UPK1B: variants seen among roughly 807,000 people sequenced by gnomAD.
The protein encoded by UPK1B is uroplakin-1b.
A neutral mutation model predicts 34.2 loss-of-function variants in UPK1B; 28 were observed. The ratio of observed to expected loss-of-function variants is 0.82; its 90% CI spans 0.61 to 1.12. UPK1B has a LOEUF of 1.12. Among genes scored for constraint, UPK1B ranks in the 50% most tolerant of loss-of-function variants. The probability of loss-of-function intolerance (pLI) is 0.00; values close to 1 mark genes in which losing one functional copy is unlikely to be tolerated. For missense variants in UPK1B, 325 were observed against 320.9 expected, an observed-to-expected ratio of 1.01 and a Z score of -0.10; for synonymous variants, 81 against 110.4, an observed-to-expected ratio of 0.73 and a Z score of 1.67.
chr3:119,201,252 C>T (rs549369983), intron 7 of UPK1B, among the ~76,000 whole-genome samples: 45 of 152,276 alleles, frequency 3.0e-4, no homozygotes, highest in Admixed American at 1.4e-3. Context: ...TCTGAACTGT[C>T]CCTCAGGTGT....
chr3:119,188,039 C>A, intron 3 of UPK1B, 64 bp downstream of exon 3: 1 of 1,548,580 alleles, frequency 6.5e-7, no homozygotes, highest in Non-Finnish European at 8.9e-7. Context: ...CTTTCTTCTT[C>A]ACTGAGCAAT....
At chr3:119,201,903 T>C (rs565136178) in intron 7 of UPK1B, among the ~76,000 whole-genome samples, 7 of 152,308 alleles carry the variant, frequency 4.6e-5, no homozygotes, top group African/African-American at 1.7e-4. Flanking sequence ...GAATGAAAGG[T>C]AACAGTGAAG....
intron 1 of UPK1B, among the ~76,000 whole-genome samples, chr3:119,179,301 G>C (rs1309832365): frequency 1.4e-5 from 2 of 142,612 alleles, no homozygotes; most frequent in Non-Finnish European, 3.1e-5. Context: ...CACTCCCTGG[G>C]TGACACACAA....
chr3:119,199,398 G>A (rs1429865426), intron 7 of UPK1B, among the ~76,000 whole-genome samples: 2 of 152,154 alleles, frequency 1.3e-5, no homozygotes, highest in African/African-American at 4.8e-5. Flanking sequence ...TGCCTTTAGA[G>A]GGCTGGAGAG....
intron 4 of UPK1B, among the ~76,000 whole-genome samples, chr3:119,190,671 T>C (rs1354382496): frequency 6.6e-6 from 1 of 152,258 alleles, no homozygotes; most frequent in East Asian, 1.9e-4. Flanking sequence ...GGAGGATCTC[T>C]GTTCTACCTC....
At chr3:119,179,352 G>GATAGATATAT (rs2077974672) in intron 1 of UPK1B, among the ~76,000 whole-genome samples, 2 of 46,888 alleles carry the variant, frequency 4.3e-5, no homozygotes, top group Non-Finnish European at 9.8e-5. Flanking sequence ...GAGAGAGGGA[G>GATAGATATAT]ATATATATAT....
chr3:119,179,095 T>C (rs1417872244), intron 1 of UPK1B, among the ~76,000 whole-genome samples: 2 of 151,546 alleles, frequency 1.3e-5, no homozygotes, highest in Non-Finnish European at 2.9e-5. Flanking sequence ...TCTCCACACT[T>C]TGGAAGGCCA....
At chr3:119,196,367 A>G (rs996136004) in intron 6 of UPK1B, among the ~76,000 whole-genome samples, 2 of 151,876 alleles carry the variant, frequency 1.3e-5, no homozygotes, top group Non-Finnish European at 2.9e-5. Context: ...ACCTGGAACT[A>G]TATTTGTTCC....
chr3:119,185,671 T>A (rs1254049843), intron 1 of UPK1B, among the ~76,000 whole-genome samples: 1 of 152,224 alleles, frequency 6.6e-6, no homozygotes, highest in African/African-American at 2.4e-5. Flanking sequence ...CCCTTACATA[T>A]CTTTGTATGC....
At chr3:119,184,065 C>A (rs2078002565) in intron 1 of UPK1B, among the ~76,000 whole-genome samples, 1 of 152,144 alleles carries the variant, frequency 6.6e-6, no homozygotes, top group African/African-American at 2.4e-5. Context: ...CATGTCCTTG[C>A]CTAGGTTTCT....
chr3:119,194,430 G>T, intron 6 of UPK1B, 32 bp downstream of exon 6: 1 of 1,578,076 alleles, frequency 6.3e-7, no homozygotes, highest in African/African-American at 1.4e-5. Flanking sequence ...GACTTCCCAG[G>T]AGGTTCTGCT....
intron 1 of UPK1B, among the ~76,000 whole-genome samples, chr3:119,186,427 T>C (rs765090965): frequency 1.2e-4 from 19 of 152,206 alleles, no homozygotes; most frequent in Non-Finnish European, 1.0e-4. Context: ...CTACCCCTTG[T>C]GCATTCCACC....
intron 2 of UPK1B, among the ~76,000 whole-genome samples, chr3:119,187,539 G>A (rs2078024672): frequency 6.6e-6 from 1 of 152,114 alleles, no homozygotes; most frequent in African/African-American, 2.4e-5. Context: ...AGGACATTGT[G>A]GATGGTCTGA....
At chr3:119,175,439 C>A (rs894124797) in intron 1 of UPK1B, among the ~76,000 whole-genome samples, 3 of 152,154 alleles carry the variant, frequency 2.0e-5, no homozygotes, top group Non-Finnish European at 2.9e-5. Context: ...GCAGGCTGCC[C>A]ACAAACTTGA....
intron 3 of UPK1B, among the ~76,000 whole-genome samples, chr3:119,189,415 A>G (rs2078034271): frequency 6.6e-6 from 1 of 152,242 alleles, no homozygotes; most frequent in Admixed American, 6.5e-5. Flanking sequence ...GAGTGTGTGC[A>G]AGCCTGGGGA....
rs779906124 is a variant in UPK1B, at chr3:119,199,057, G to T, written c.649G>T (p.Gly217Cys). The change falls in exon 7 of 8, where the codon GGC (glycine) becomes TGC (cysteine). Residue 217 changes from glycine to cysteine, a missense_variant and splice_region_variant. Physicochemically the swap from Gly to Cys is radical, Grantham distance 159. Coordinates refer to ENST00000264234, the MANE Select transcript of UPK1B (RefSeq NM_006952.4). ...AATGTGGAATTGCCCACTCCTTCAG[G>T]GCTGCTATGAACTGATCTCTGGTCC... Reference protein sequence around the residue: ...LGVPGFYHNQGCYELISGPMN... With the variant: ...LGVPGFYHNQCCYELISGPMN... The T allele has an allele frequency of 6.2e-7, 1 of 1,613,884 alleles. No homozygotes were observed. The highest frequency in any genetic ancestry group is 8.5e-7 in the Non-Finnish European group (1 of 1,179,978).
At chr3:119,189,564 C>T (rs780238173) in intron 3 of UPK1B, among the ~76,000 whole-genome samples, 4 of 152,262 alleles carry the variant, frequency 2.6e-5, no homozygotes, top group South Asian at 2.1e-4. Context: ...CCCATGCTCA[C>T]GCACACACAC....
rs117851040 is a variant in UPK1B, at chr3:119,179,064, T to C, written c.-29+5426T>C. ...TACATAAAGAGAGAGAGAGGCAACGTATGGTGGCTCACGCCTATAATCTCC... is the reference window on the plus strand; with the variant it reads ...TACATAAAGAGAGAGAGAGGCAACGCATGGTGGCTCACGCCTATAATCTCC... On this transcript the variant is annotated intron_variant, in intron 1 of 7. Coordinates refer to ENST00000264234, the MANE Select transcript of UPK1B (RefSeq NM_006952.4). Among the ~76,000 whole-genome samples the C allele has an allele frequency of 2.0e-5, 3 of 151,556 alleles. No homozygotes were observed. In the East Asian group the frequency reaches 5.9e-4, roughly 30 times the overall value.
Position 119,201,067 on chromosome 3 carries a change from C to T in UPK1B, c.732+1927C>T, listed in dbSNP as rs116278473. On this transcript the variant is annotated intron_variant, in intron 7 of 7. Transcript: ENST00000264234. The stretch of plus-strand genomic sequence containing the variant: ...AAATTTTTTTTTTTTACTGCAAGTG[C>T]GTAGCAGTGAAGACACAATGATCAC... 6.3e-3 allele frequency among the ~76,000 whole-genome samples: 957 copies of T among 152,002 alleles called. 9 individuals carry two copies. The highest frequency in any genetic ancestry group is 0.022 in the African/African-American group (895 of 41,446).
Sources: gnomAD v4.1 joint callset for allele counts (sites outside exome capture counted in the v4.1 genomes callset) on GRCh38, gnomAD v4.1.1 for gene constraint, MANE v1.5 for transcripts, NCBI Gene and HGNC (gene_info 2026-07-23, HGNC 2026-07-21) for gene names.